Variants in LAMA2 observed in about 807,000 individuals in gnomAD.
LAMA2 encodes laminin subunit alpha 2.
LAMA2 carries 269 observed loss-of-function variants against 364.8 expected under a neutral mutation model. The observed-to-expected ratio is 0.74, with a 90% CI of 0.67 to 0.82. LAMA2 has a LOEUF of 0.82. Among genes scored for constraint, LAMA2 ranks in the 40% least tolerant of loss-of-function variants. The pLI is 0.00. For missense variants in LAMA2, 3,807 were observed against 3,873.2 expected (o/e 0.98, Z 0.45); for synonymous variants, 1,379 against 1,370.6 (o/e 1.01, Z -0.14).
chr6:129,292,785 T>C, intron 20 of LAMA2: 9 of 984,582 alleles, frequency 9.1e-6, no homozygotes, highest in Non-Finnish European at 9.7e-6. Flanking sequence ...TATTTTATTT[T>C]ATGGTTGGTT....
chr6:129,138,342 C>G (rs894806546), intron 4 of LAMA2, among the ~76,000 whole-genome samples: 1 of 151,944 alleles, frequency 6.6e-6, no homozygotes, highest in Non-Finnish European at 1.5e-5. Flanking sequence ...AATGAGAACT[C>G]TTGGTTGGAG....
chr6:129,006,222 A>C (rs1396459731), intron 1 of LAMA2, among the ~76,000 whole-genome samples: 1 of 152,154 alleles, frequency 6.6e-6, no homozygotes, highest in African/African-American at 2.4e-5. Context: ...TACATAATTG[A>C]GACCAAGTGA....
chr6:129,460,436 A>G, intron 49 of LAMA2, 112 bp downstream of exon 49: 1 of 1,117,052 alleles, frequency 9.0e-7, no homozygotes, highest in Admixed American at 1.7e-5. Context: ...GTTTGAAAGG[A>G]TTATACTCAG....
intron 12 of LAMA2, 147 bp downstream of exon 12, chr6:129,193,000 G>A (rs1298012995): frequency 1.5e-5 from 13 of 877,412 alleles, no homozygotes; most frequent in Non-Finnish European, 2.0e-5. Context: ...TGAGTTGGGC[G>A]TTTCTTCCAT....
At chr6:129,259,304 C>T (rs1418090015) in intron 14 of LAMA2, among the ~76,000 whole-genome samples, 1 of 152,038 alleles carries the variant, frequency 6.6e-6, no homozygotes, top group Non-Finnish European at 1.5e-5. Flanking sequence ...AGCATTGATT[C>T]CCAAATCTAA....
chr6:129,072,241 T>C (rs1172128155), intron 3 of LAMA2, among the ~76,000 whole-genome samples: 1 of 152,216 alleles, frequency 6.6e-6, no homozygotes, highest in Non-Finnish European at 1.5e-5. Flanking sequence ...TATATATTGA[T>C]ACTTTTAAAT....
intron 9 of LAMA2, among the ~76,000 whole-genome samples, chr6:129,168,683 T>G (rs558421351): frequency 7.4e-4 from 107 of 143,972 alleles, no homozygotes; most frequent in African/African-American, 2.7e-3. Context: ...TTAAAGTAGT[T>G]TTTTCCAATT....
chr6:129,456,561 GA>G, intron 48 of LAMA2, 67 bp downstream of exon 48: 5 of 1,380,522 alleles, frequency 3.6e-6, no homozygotes, highest in Non-Finnish European at 5.2e-6. Context: ...ATTACTTCAG[GA>G]GAAGGTATGA....
chr6:129,395,722 A>T (rs950064552), intron 37 of LAMA2, among the ~76,000 whole-genome samples: 2 of 152,158 alleles, frequency 1.3e-5, no homozygotes, highest in African/African-American at 4.8e-5. Context: ...AGTCTAAGTC[A>T]CCCCTGAGTT....
intron 1 of LAMA2, among the ~76,000 whole-genome samples, chr6:128,896,224 C>G (rs1776762292): frequency 6.6e-6 from 1 of 151,646 alleles, no homozygotes; most frequent in Non-Finnish European, 1.5e-5. Context: ...CCCAATATGT[C>G]CTCTCCTTAT....
chr6:128,960,677 A>T (rs1260822266), intron 1 of LAMA2, among the ~76,000 whole-genome samples: 1 of 151,676 alleles, frequency 6.6e-6, no homozygotes, highest in Non-Finnish European at 1.5e-5. Context: ...CTTTTCTTTT[A>T]TTTCCTTTTC....
chr6:128,929,347 G>T, intron 1 of LAMA2: 2 of 1,110,334 alleles, frequency 1.8e-6, no homozygotes, highest in East Asian at 4.7e-5. Context: ...CAAAGACTGG[G>T]GTGAGACCTC....
rs1413835657 is a variant in LAMA2, at chr6:129,332,882, CATTTT to C, written c.4311+4471_4311+4475del. On this transcript the variant is annotated intron_variant, in intron 29 of 64. Coordinates refer to ENST00000421865, the MANE Select transcript of LAMA2 (RefSeq NM_000426.4). ...TTGATTCAGTTATTGTTAAGTTTAC[CATTTT>C]TTTTTTTTTTTTTTTTTTTTTTTGA... Among the ~76,000 whole-genome samples, 71 of 98,890 alleles carry C rather than the reference CATTTT, an allele frequency of 7.2e-4. 3 individuals carry two copies. The highest frequency in any genetic ancestry group is 2.0e-3 in the Admixed American group (15 of 7,374). 64.9% of individuals were successfully genotyped at this position (98,890 alleles called of 152,430 possible).
chr6:128,910,372 T>G, intron 1 of LAMA2, among the ~76,000 whole-genome samples: 1 of 152,200 alleles, frequency 6.6e-6, no homozygotes, highest in East Asian at 1.9e-4. Context: ...CCCTTCTTGC[T>G]TCATTTCATT....
rs771331987 is a variant in LAMA2 at position 129,190,193 on chromosome 6, CTT to C, written c.1468-10_1468-9del. On this transcript the variant is annotated splice_polypyrimidine_tract_variant and intron_variant, in intron 10 of 64. Transcript: ENST00000421865. ...GGATACCTCTGTTGCTGATACATCTCTTTATTTGCAGGAAAATGTTGAAGGAG... is the reference window on the plus strand; with the variant it reads ...GGATACCTCTGTTGCTGATACATCTCTATTTGCAGGAAAATGTTGAAGGAG... The C allele has an allele frequency of 3.1e-6, 5 of 1,612,714 alleles. No homozygotes were observed. Among genetic ancestry groups the C allele is most frequent in the Middle Eastern group, 1.6e-4 (1 of 6,076 alleles).
At chr6:129,330,591 G>GTTTTTTTTTTTTTTTTTTTTTTTT in intron 29 of LAMA2, among the ~76,000 whole-genome samples, 1 of 83,784 alleles carries the variant, frequency 1.2e-5, no homozygotes, top group Non-Finnish European at 2.3e-5. Context: ...GTTGTTGTTT[G>GTTTTTTTTTTTTTTTTTTTTTTTT]GTTTTTGTTT....
chr6:129,463,770 A>G (rs1783388400), intron 49 of LAMA2, among the ~76,000 whole-genome samples: 2 of 152,000 alleles, frequency 1.3e-5, no homozygotes, highest in Admixed American at 6.6e-5. Context: ...CTGACATAGG[A>G]CCTAGCCCAT....
At chr6:129,238,971 A>T (rs901655160) in intron 12 of LAMA2, among the ~76,000 whole-genome samples, 1 of 152,076 alleles carries the variant, frequency 6.6e-6, no homozygotes, top group Non-Finnish European at 1.5e-5. Context: ...AAAAATCCAG[A>T]TCATACTGAT....
chr6:129,171,011 G>A (rs1467940622), intron 9 of LAMA2, among the ~76,000 whole-genome samples: 1 of 150,768 alleles, frequency 6.6e-6, no homozygotes, highest in Non-Finnish European at 1.5e-5. Flanking sequence ...GCCTTTTTTT[G>A]TTTTCCATTT....
Sources: allele counts gnomAD v4.1 joint callset (sites outside exome capture counted in the v4.1 genomes callset), GRCh38; gene constraint gnomAD v4.1.1; transcripts MANE v1.5; gene names NCBI Gene and HGNC (gene_info 2026-07-23, HGNC 2026-07-21).